SGCZ: variants seen among roughly 807,000 people sequenced by gnomAD.
The protein encoded by SGCZ is zeta-sarcoglycan.
Under a neutral mutation model 41.3 loss-of-function variants are expected in SGCZ, and 40 were observed. That is an observed-to-expected ratio of 0.97 (90% CI 0.75 to 1.26). SGCZ has a LOEUF of 1.26. SGCZ is among the 50% of genes most tolerant of loss of function. The probability of loss-of-function intolerance (pLI) is 0.00; values close to 1 mark genes in which losing one functional copy is unlikely to be tolerated. For synonymous variants in SGCZ, 206 were observed against 137.5 expected (o/e 1.50, Z -3.49); for missense variants, 552 against 369.8 (o/e 1.49, Z -4.04).
intron 1 of SGCZ, among the ~76,000 whole-genome samples, chr8:14,671,700 G>C (rs538397981): frequency 1.0e-3 from 153 of 152,116 alleles, no homozygotes; most frequent in African/African-American, 3.5e-3. Context: ...TCACTTTTAA[G>C]CCAAATTACT....
chr8:14,747,500 A>G (rs1460255656), intron 1 of SGCZ, among the ~76,000 whole-genome samples: 1 of 152,066 alleles, frequency 6.6e-6, no homozygotes, highest in Admixed American at 6.6e-5. Context: ...TGCCATTACT[A>G]TTTTTTGAAT....
rs549098189 is a variant in SGCZ, at chr8:14,834,079, G to A, written c.40-279153C>T. The stretch of plus-strand genomic sequence containing the variant: ...TTACTAACAGCATTGCAGTAAGGCT[G>A]AATATATAAATAAATTGAAAAGGGC... On this transcript the variant is annotated intron_variant, in intron 1 of 7. Transcript: ENST00000382080. 3.3e-5 allele frequency among the ~76,000 whole-genome samples: 5 copies of A among 152,190 alleles called. No individual in the cohort carries two copies. In the East Asian group the frequency reaches 7.8e-4, roughly 24 times the overall value.
intron 1 of SGCZ, among the ~76,000 whole-genome samples, chr8:14,802,981 C>G (rs1243736979): frequency 5.9e-5 from 9 of 152,160 alleles, no homozygotes; most frequent in African/African-American, 2.4e-5. Flanking sequence ...TAGCAGACAG[C>G]CTTGACTCTG....
At chr8:14,296,706 A>G (rs1801024217) in intron 3 of SGCZ, among the ~76,000 whole-genome samples, 1 of 152,296 alleles carries the variant, frequency 6.6e-6, no homozygotes, top group South Asian at 2.1e-4. Context: ...TCAAATAAAT[A>G]TAGCCAAAAA....
chr8:14,611,265 T>G (rs896154435), intron 1 of SGCZ, among the ~76,000 whole-genome samples: 1 of 152,186 alleles, frequency 6.6e-6, no homozygotes, highest in African/African-American at 2.4e-5. Flanking sequence ...ATGCCTATCA[T>G]TTTTATTCCC....
intron 2 of SGCZ, among the ~76,000 whole-genome samples, chr8:14,504,671 T>C (rs1203018615): frequency 6.6e-6 from 1 of 152,182 alleles, no homozygotes; most frequent in Non-Finnish European, 1.5e-5. Flanking sequence ...GTATTTATTT[T>C]GTTCACAGAT....
At chr8:14,463,076 T>C (rs546870657) in intron 2 of SGCZ, among the ~76,000 whole-genome samples, 31 of 151,906 alleles carry the variant, frequency 2.0e-4, no homozygotes, top group African/African-American at 7.2e-4. Context: ...ATCTTAACCA[T>C]ATTTTTGTGG....
intron 1 of SGCZ, among the ~76,000 whole-genome samples, chr8:14,720,999 T>C (rs1224176692): frequency 6.6e-6 from 1 of 151,188 alleles, no homozygotes; most frequent in East Asian, 2.0e-4. Flanking sequence ...CTGACCTGTA[T>C]CAGCAGCATT....
At chr8:14,749,589 T>C (rs1228424365) in intron 1 of SGCZ, among the ~76,000 whole-genome samples, 4 of 152,194 alleles carry the variant, frequency 2.6e-5, no homozygotes, top group African/African-American at 9.7e-5. Flanking sequence ...GATAGTGGTC[T>C]ATTCTGGGAC....
chr8:14,675,233 C>A (rs946675905), intron 1 of SGCZ, among the ~76,000 whole-genome samples: 6 of 151,772 alleles, frequency 4.0e-5, no homozygotes, highest in African/African-American at 1.2e-4. Flanking sequence ...AGCCACCGCA[C>A]CCGGCCAAAC....
intron 2 of SGCZ, among the ~76,000 whole-genome samples, chr8:14,336,817 C>T (rs1802521331): frequency 6.6e-6 from 1 of 152,126 alleles, no homozygotes; most frequent in Non-Finnish European, 1.5e-5. Context: ...ACTGTTTCTT[C>T]TGTTGTGCTC....
intron 2 of SGCZ, among the ~76,000 whole-genome samples, chr8:14,341,893 C>A (rs1305399152): frequency 6.6e-6 from 1 of 152,156 alleles, no homozygotes; most frequent in Non-Finnish European, 1.5e-5. Flanking sequence ...ACCTCTTTTT[C>A]TTCCCAGCTT....
chr8:14,882,729 C>T (rs1345308760), intron 1 of SGCZ, among the ~76,000 whole-genome samples: 1 of 151,994 alleles, frequency 6.6e-6, no homozygotes, highest in Non-Finnish European at 1.5e-5. Context: ...CTGGTAATAC[C>T]TTCCTCAATC....
intron 1 of SGCZ, among the ~76,000 whole-genome samples, chr8:14,820,869 C>CG (rs759034964): frequency 7.8e-5 from 11 of 140,400 alleles, no homozygotes; most frequent in African/African-American, 2.5e-4. Flanking sequence ...ACCCCTAGAT[C>CG]AAAAAACAAA....
At chr8:14,342,286 G>A (rs922647895) in intron 2 of SGCZ, among the ~76,000 whole-genome samples, 3 of 152,120 alleles carry the variant, frequency 2.0e-5, no homozygotes, top group African/African-American at 4.8e-5. Context: ...GAATTTTGGA[G>A]AAATGATTTA....
intron 1 of SGCZ, among the ~76,000 whole-genome samples, chr8:15,195,095 AG>A (rs1800679594): frequency 6.6e-6 from 1 of 151,358 alleles, no homozygotes; most frequent in African/African-American, 2.4e-5. Context: ...ATCAAGATTT[AG>A]TTTTTTCTGA....
intron 1 of SGCZ, among the ~76,000 whole-genome samples, chr8:15,031,303 C>T (rs1388755563): frequency 6.6e-6 from 1 of 152,146 alleles, no homozygotes; most frequent in African/African-American, 2.4e-5. Context: ...TAAGGATCCT[C>T]ATGCCTCGCC....
At chr8:15,015,312 C>A (rs1221711944) in intron 1 of SGCZ, among the ~76,000 whole-genome samples, 1 of 151,950 alleles carries the variant, frequency 6.6e-6, no homozygotes, top group Non-Finnish European at 1.5e-5. Context: ...ATCTTCTTTG[C>A]ATCAATTGAC....
intron 1 of SGCZ, among the ~76,000 whole-genome samples, chr8:15,214,300 G>A (rs1009201948): frequency 6.6e-6 from 1 of 152,010 alleles, no homozygotes; most frequent in African/African-American, 2.4e-5. Context: ...AAAGGAACAT[G>A]CAAAACAGCC....
Sources: allele counts gnomAD v4.1 joint callset (sites outside exome capture counted in the v4.1 genomes callset), GRCh38; gene constraint gnomAD v4.1.1; transcripts MANE v1.5; gene names NCBI Gene and HGNC (gene_info 2026-07-23, HGNC 2026-07-21).